Variants in TRIO observed in about 807,000 individuals in gnomAD.
The protein encoded by TRIO is triple functional domain protein.
TRIO carries 58 observed loss-of-function variants against 351.9 expected under a neutral mutation model. The observed-to-expected ratio is 0.16, with a 90% CI of 0.13 to 0.21. The LOEUF is 0.21. Ranked by LOEUF, TRIO falls within the 10% of genes least tolerant of loss-of-function variation. TRIO has a pLI of 1.00. For missense variants in TRIO, 3,201 were observed against 4,027.8 expected, an observed-to-expected ratio of 0.79 and a Z score of 5.56; for synonymous variants, 1,758 against 1,595.7, an observed-to-expected ratio of 1.10 and a Z score of -2.42.
At chr5:14,489,317 A>G (rs1297573640) in intron 48 of TRIO, among the ~76,000 whole-genome samples, 1 of 152,126 alleles carries the variant, frequency 6.6e-6, no homozygotes, top group East Asian at 1.9e-4. Flanking sequence ...ATGGGTCTTG[A>G]TACATTTATT....
Position 14,167,388 on chromosome 5 carries a change from CTT to C in TRIO, c.157+23508_157+23509del, listed in dbSNP as rs199517213. On this transcript the variant is annotated intron_variant, in intron 1 of 56. Transcript: ENST00000344204. ...TTAGGACTTCTCCCCAGCGTCAAAA[CTT>C]TATTTACACGAACCTGAAAGCAGGC... Among the ~76,000 whole-genome samples, 937 of 152,140 alleles carry C rather than the reference CTT, an allele frequency of 6.2e-3. 7 individuals are homozygous for C. Among genetic ancestry groups the C allele is most frequent in the African/African-American group, 0.021 (877 of 41,464 alleles).
At chr5:14,310,573 A>AT (rs756017573) in intron 8 of TRIO, among the ~76,000 whole-genome samples, 3 of 152,260 alleles carry the variant, frequency 2.0e-5, no homozygotes, top group Non-Finnish European at 2.9e-5. Flanking sequence ...GGTCAGTGCT[A>AT]TTAGCCTAAG....
At position 14,389,345 on chromosome 5, in the gene TRIO, C is replaced by G; in HGVS notation, c.4005C>G (p.Asn1335Lys). 6.2e-7 allele frequency: 1 copy of G among 1,612,494 alleles called. No homozygotes were observed. The highest frequency in any genetic ancestry group is 2.2e-5 in the East Asian group (1 of 44,726). The change falls in exon 25 of 57, where the codon AAC (asparagine) becomes AAG (lysine). Residue 1335 changes from asparagine to lysine, a missense_variant. By Grantham distance (94) the Asn-to-Lys change is moderately conservative. This residue lies in a region of TRIO where 115 missense variants were observed against 239.6 expected (regional missense o/e 0.48). Coordinates refer to ENST00000344204, the MANE Select transcript of TRIO (RefSeq NM_007118.4). ...GVEEIPPGIV[N>K]KELIIFGNMQ... ...AAGAGATTCCACCTGGCATTGTAAA[C>G]AAAGAACTCATCATCTTCGGAAACA...
At position 14,481,612 on chromosome 5, in the gene TRIO, A is replaced by C; in HGVS notation, c.6459A>C (p.Gly2153=). The change falls in exon 45 of 57, where the codon GGA becomes GGC. Residue 2153 remains glycine (G), a synonymous_variant. Coordinates refer to ENST00000344204, the MANE Select transcript of TRIO (RefSeq NM_007118.4). ...NDMMNVGRLQ[G]FDGKIVAQGK... Reference sequence around the variant, plus strand: ...TGATGAACGTGGGGCGGCTGCAAGGATTCGACGTAATGCGGCTCTTGTTTT... The same window carrying C: ...TGATGAACGTGGGGCGGCTGCAAGGCTTCGACGTAATGCGGCTCTTGTTTT... 6.2e-7 allele frequency: 1 copy of C among 1,613,980 alleles called. No individual in the cohort carries two copies. The highest frequency in any genetic ancestry group is 8.5e-7 in the Non-Finnish European group (1 of 1,179,968).
intron 11 of TRIO, among the ~76,000 whole-genome samples, chr5:14,351,660 GA>G (rs1290677460): frequency 6.6e-6 from 1 of 152,216 alleles, no homozygotes; most frequent in African/African-American, 2.4e-5. Flanking sequence ...ACATACAGGA[GA>G]AAACTGAAGA....
intron 55 of TRIO, 177 bp downstream of exon 55, chr5:14,504,770 G>A (rs1310139974): frequency 5.2e-6 from 4 of 767,362 alleles, no homozygotes; most frequent in African/African-American, 1.8e-5. Flanking sequence ...ATGGCAGAAA[G>A]CAGTGTGGTC....
chr5:14,259,635 C>T (rs527898289), intron 1 of TRIO, among the ~76,000 whole-genome samples: 20 of 152,306 alleles, frequency 1.3e-4, no homozygotes, highest in Admixed American at 3.3e-4. Context: ...AATCCTGAGA[C>T]AGTTGGACAG....
In TRIO at chr5:14,144,024, C is replaced by T. The variant is rs533655148; in HGVS notation, c.157+142C>T. On this transcript the variant is annotated intron_variant, in intron 1 of 56. Transcript: ENST00000344204. ...GGGCCCGCAGGCTCTCGCCTGGGACCACTGCTTCCATGCGCCGGGGCTGCC... is the reference window on the plus strand; with the variant it reads ...GGGCCCGCAGGCTCTCGCCTGGGACTACTGCTTCCATGCGCCGGGGCTGCC... The T allele has an allele frequency of 1.4e-3, 819 of 572,792 alleles. 3 individuals are homozygous for T. In the African/African-American group the frequency reaches 0.016, roughly 11 times the overall value. 35.5% of individuals were successfully genotyped at this position (572,792 alleles called of 1,614,324 possible).
At chr5:14,492,533 C>A (rs752016068) in intron 48 of TRIO, 34 bp from the exon 49 acceptor site, 1 of 1,607,266 alleles carries the variant, frequency 6.2e-7, no homozygotes, top group Non-Finnish European at 8.5e-7. Context: ...CAGTTCCTCC[C>A]TGCCTTTCTC....
chr5:14,409,573 G>A (rs183083), intron 33 of TRIO, among the ~76,000 whole-genome samples: 5 of 151,754 alleles, frequency 3.3e-5, no homozygotes, highest in African/African-American at 4.8e-5. Context: ...GGTGGCTCAC[G>A]CCTGTAATCC....
intron 49 of TRIO, among the ~76,000 whole-genome samples, chr5:14,494,219 C>CG (rs1297004826): frequency 6.6e-6 from 1 of 152,036 alleles, no homozygotes; most frequent in Non-Finnish European, 1.5e-5. Flanking sequence ...AACATGAAGC[C>CG]GGTTTTGCTG....
chr5:14,472,594 A>G lies in TRIO; in HGVS notation c.5915A>G (p.Tyr1972Cys), dbSNP rs1754770177. The stretch of plus-strand genomic sequence containing the variant: ...TAAACAATATTTTTTCTCTCCAGCT[A>G]CGTTTTGCAAGAACTAGTGGAGACA... ...RKSSSLKRRH[Y>C]VLQELVETER... The change falls in exon 39 of 57, where the codon TAC becomes TGC. Residue 1972 changes from tyrosine (Y) to cysteine (C), a missense_variant and splice_region_variant. Tyr to Cys is a radical substitution (Grantham distance 194). Transcript: ENST00000344204. The G allele has an allele frequency of 1.9e-6, 3 of 1,614,030 alleles. No individual in the cohort carries two copies. Among genetic ancestry groups the G allele is most frequent in the Non-Finnish European group, 2.5e-6 (3 of 1,179,934 alleles).
At chr5:14,205,094 G>C (rs1039807257) in intron 1 of TRIO, among the ~76,000 whole-genome samples, 2 of 152,214 alleles carry the variant, frequency 1.3e-5, no homozygotes, top group African/African-American at 4.8e-5. Context: ...AGTGCCCACG[G>C]ATTCAGGAGG....
At chr5:14,334,211 A>G (rs1254899372) in intron 10 of TRIO, among the ~76,000 whole-genome samples, 1 of 152,156 alleles carries the variant, frequency 6.6e-6, no homozygotes, top group African/African-American at 2.4e-5. Flanking sequence ...TCTGATGAGT[A>G]TGGTTGATAC....
At chr5:14,372,303 A>G (rs1745192278) in intron 18 of TRIO, among the ~76,000 whole-genome samples, 1 of 151,494 alleles carries the variant, frequency 6.6e-6, no homozygotes, top group Non-Finnish European at 1.5e-5. Flanking sequence ...AAACCTTGCC[A>G]GTGGTGCTTG....
chr5:14,256,795 C>T (rs1308386992), intron 1 of TRIO, among the ~76,000 whole-genome samples: 2 of 152,174 alleles, frequency 1.3e-5, no homozygotes, highest in Admixed American at 6.5e-5. Context: ...GTGTTTTGGT[C>T]GCAGAGTTGA....
At chr5:14,465,161 C>G (rs910964279) in intron 36 of TRIO, among the ~76,000 whole-genome samples, 5 of 152,122 alleles carry the variant, frequency 3.3e-5, no homozygotes, top group Admixed American at 6.5e-5. Context: ...AGACCCTAAG[C>G]CTCTCATTCT....
At chr5:14,374,842 G>A (rs1476410171) in intron 19 of TRIO, among the ~76,000 whole-genome samples, 4 of 151,794 alleles carry the variant, frequency 2.6e-5, no homozygotes, top group Non-Finnish European at 5.9e-5. Flanking sequence ...CTGTAAAACC[G>A]TGTTTGTGTG....
chr5:14,487,034 T>G (rs468239), intron 47 of TRIO, among the ~76,000 whole-genome samples: 27,053 of 152,068 alleles, frequency 0.18, 2,563 homozygotes, highest in African/African-American at 0.23. Context: ...GGGCCTCTAG[T>G]AGCTCCTTAG....
Sources: allele counts gnomAD v4.1 joint callset (sites outside exome capture counted in the v4.1 genomes callset), GRCh38; gene constraint gnomAD v4.1.1; regional missense constraint gnomAD v4.1.1; transcripts MANE v1.5; gene names NCBI Gene and HGNC (gene_info 2026-07-23, HGNC 2026-07-21).